ABCG5: variants seen among roughly 807,000 people sequenced by gnomAD.
ABCG5 encodes the protein ATP-binding cassette sub-family G member 5.
In ABCG5, 64 loss-of-function variants were observed where a neutral mutation model predicts 64.5. That is an observed-to-expected ratio of 0.99 (90% CI 0.81 to 1.22). The LOEUF is 1.22. ABCG5 is among the 50% of genes most tolerant of loss of function. The pLI is 0.00. For missense variants in ABCG5, 908 were observed against 829.5 expected, an observed-to-expected ratio of 1.09 and a Z score of -1.16; for synonymous variants, 385 against 326.3, an observed-to-expected ratio of 1.18 and a Z score of -1.94.
In ABCG5 at chr2:43,823,910, TACAC is replaced by T. The variant is rs780744534; in HGVS notation, c.1323_1324+2del. Reference sequence around the variant, plus strand: ...GGTGCACCTCCAGCACGTGGGCACTTACACAGATTCACAGCGTTCAGCATGCCTG... The same window carrying T: ...GGTGCACCTCCAGCACGTGGGCACTTAGATTCACAGCGTTCAGCATGCCTG... On this transcript the variant is annotated splice_donor_variant and coding_sequence_variant, in exon 9 of 13. Transcript: ENST00000405322. LOFTEE classifies it high-confidence loss of function. 6.2e-7 allele frequency: 1 copy of T among 1,613,732 alleles called. No individual in the cohort carries two copies. Among genetic ancestry groups the T allele is most frequent in the African/African-American group, 1.3e-5 (1 of 74,910 alleles).
upstream of ABCG5, chr2:43,839,154 G>C: frequency 2.6e-6 from 4 of 1,548,610 alleles, no homozygotes; most frequent in Non-Finnish European, 3.5e-6. Flanking sequence ...GGCCTGGTGG[G>C]CGGGTAGGAG....
At chr2:43,823,357 C>T (rs1185636382) in intron 9 of ABCG5, among the ~76,000 whole-genome samples, 1 of 140,088 alleles carries the variant, frequency 7.1e-6, no homozygotes, top group Non-Finnish European at 1.5e-5. Context: ...GATGCAGACA[C>T]TTAGCATTGC....
At chr2:43,835,206 C>T (rs1045821862) in intron 2 of ABCG5, among the ~76,000 whole-genome samples, 4 of 152,260 alleles carry the variant, frequency 2.6e-5, no homozygotes, top group Non-Finnish European at 4.4e-5. Context: ...AGAGCCCCTC[C>T]TGCTGTCCTG....
intron 11 of ABCG5, among the ~76,000 whole-genome samples, chr2:43,815,853 T>G (rs1666779464): frequency 7.0e-6 from 1 of 142,422 alleles, no homozygotes. Context: ...CTGAGAAAAT[T>G]AACGTGACTC....
intron 2 of ABCG5, among the ~76,000 whole-genome samples, chr2:43,835,417 C>G (rs751650135): frequency 9.9e-5 from 15 of 152,024 alleles, no homozygotes; most frequent in Non-Finnish European, 2.1e-4. Context: ...GGAGAAGAGG[C>G]AGTTTTTTTT....
chr2:43,808,264 G>GA (rs55874533), downstream of ABCG5, among the ~76,000 whole-genome samples: 63,771 of 146,002 alleles, frequency 0.44, 14,747 homozygotes, highest in African/African-American at 0.61. Context: ...GAAGTTAAAG[G>GA]AAAAAAAAAA....
intron 10 of ABCG5, among the ~76,000 whole-genome samples, chr2:43,821,282 G>T (rs562847514): frequency 6.6e-6 from 1 of 152,246 alleles, no homozygotes; most frequent in Non-Finnish European, 1.5e-5. Context: ...CTGGACCAGA[G>T]TCATTCTTTT....
At chr2:43,810,455 A>C, downstream of ABCG5, 1 of 985,422 alleles carries the variant, frequency 1.0e-6, no homozygotes, top group South Asian at 4.7e-5. Context: ...ATTATTTCCA[A>C]GGTGGGATAG....
At chr2:43,808,983 AC>A (rs1666378112), downstream of ABCG5, among the ~76,000 whole-genome samples, 3 of 151,964 alleles carry the variant, frequency 2.0e-5, no homozygotes, top group African/African-American at 7.2e-5. Context: ...ACACACACAC[AC>A]ACACACACAC....
chr2:43,822,654 T>C, intron 10 of ABCG5, 143 bp downstream of exon 10: 4 of 1,542,348 alleles, frequency 2.6e-6, no homozygotes, highest in Non-Finnish European at 3.5e-6. Context: ...TCCTGGAAGA[T>C]ACGACATTGC....
rs55983843 is a variant in ABCG5 at position 43,822,478 on chromosome 2, GC to G, written c.1463+318del. 0.18 allele frequency: 81,597 copies of G among 464,574 alleles called. 10,601 individuals carry two copies. Among genetic ancestry groups the G allele is most frequent in the Non-Finnish European group, 0.19 (68,950 of 359,452 alleles). The allele number at this position is 464,574 out of a possible 1,614,324, so 28.8% of individuals were successfully genotyped here. A position where few individuals can be genotyped will look rare whatever the true frequency, so the allele number is the denominator to read the frequency against. ...CAGGCTGCTTTCTCCCCTCCCCCAGGCCCCCCCCCATGCACCTGGGTCCTAG... is the reference window on the plus strand; with the variant it reads ...CAGGCTGCTTTCTCCCCTCCCCCAGGCCCCCCCCATGCACCTGGGTCCTAG... On this transcript the variant is annotated intron_variant, in intron 10 of 12. Transcript: ENST00000405322.
chr2:43,838,644 G>A lies in ABCG5; in HGVS notation c.36C>T (p.Ser12=). 6.2e-7 allele frequency: 1 copy of A among 1,613,656 alleles called. No homozygotes were observed. Among genetic ancestry groups the A allele is most frequent in the South Asian group, 1.1e-5 (1 of 91,032 alleles). ...GDLSSLTPGG[S]MGLQVNRGSQ... is the part of the protein sequence containing the mutation. The stretch of plus-strand genomic sequence containing the variant: ...AGCCTCTGTTTACTTGGAGACCCAT[G>A]GACCCTCCGGGGGTCAAAGATGAGA... Residue 12 remains serine (S), a synonymous_variant, in exon 1 of 13, where the codon TCC becomes TCT. Transcript: ENST00000405322. The surrounding 1 kb of genome is among the most constrained non-coding windows in gnomAD (Gnocchi z 4.2).
chr2:43,824,027 C>T lies in ABCG5; in HGVS notation c.1210G>A (p.Val404Ile), dbSNP rs200396635. The stretch of plus-strand genomic sequence containing the variant: ...AGCACATTGCTTCGGACCCGCAGAA[C>T]GAAGAAAAGGAGGAACAAACCCATG... ...LIMGLFLLFF[V>I]LRVRSNVLKG... The change falls in exon 9 of 13, where the codon GTT (valine) becomes ATT (isoleucine). Residue 404 changes from valine to isoleucine, a missense_variant. Coordinates refer to ENST00000405322, the MANE Select transcript of ABCG5 (RefSeq NM_022436.3). The T allele has an allele frequency of 1.3e-5, 21 of 1,614,008 alleles. No individual in the cohort carries two copies. Among genetic ancestry groups the T allele is most frequent in the East Asian group, 1.1e-4 (5 of 44,898 alleles).
intron 2 of ABCG5, 126 bp from the exon 3 acceptor site, chr2:43,832,209 G>A: frequency 7.4e-7 from 1 of 1,348,610 alleles, no homozygotes; most frequent in Non-Finnish European, 1.0e-6. Context: ...CCCTGTTCTA[G>A]GTGTTAAGGA....
In ABCG5 at chr2:43,837,752, C is replaced by A. The variant is rs2104893951; in HGVS notation, c.265+82G>T. The A allele has an allele frequency of 2.5e-6, 4 of 1,589,634 alleles. No individual in the cohort carries two copies. In the East Asian group the frequency reaches 6.8e-5, roughly 27 times the overall value. ...ATTCTAATATCAAACCTGTGGCTTT[C>A]TTGTTACAACTTAATCTGTTTCTTC... On this transcript the variant is annotated intron_variant, in intron 2 of 12. Coordinates refer to ENST00000405322, the MANE Select transcript of ABCG5 (RefSeq NM_022436.3).
Position 43,832,063 on chromosome 2 carries a change from G to C in ABCG5, c.286C>G (p.Leu96Val). ...GSSGSGKTTL[L>V]DAMSGRLGRA... ...CCCAGCCTCCCGGACATGGCGTCCA[G>C]CAGCGTGGTTTTCCCGGAGCCTGCG... Residue 96 changes from leucine to valine, a missense_variant, in exon 3 of 13, where the codon CTG becomes GTG. Physicochemically the swap from Leu to Val is conservative, Grantham distance 32. Transcript: ENST00000405322. The C allele has an allele frequency of 6.3e-7, 1 of 1,583,352 alleles. No individual in the cohort carries two copies.
intron 12 of ABCG5, among the ~76,000 whole-genome samples, chr2:43,814,122 G>A (rs532046325): frequency 1.6e-4 from 24 of 152,208 alleles, no homozygotes; most frequent in South Asian, 6.2e-4. Context: ...AGCTATGTAC[G>A]ATGTACATTT....
rs150401285 is a variant in ABCG5 at position 43,813,202 on chromosome 2, A to G, written c.1870T>C (p.Phe624Leu). ...PGATSRFTMN[F>L]LILYSFIPAL... ...GGAATAAATGAATACAAAATCAGAA[A>G]GTTCATTGTGAATCTAGATGTTGCA... Residue 624 changes from phenylalanine to leucine, a missense_variant, in exon 13 of 13, where the codon TTT becomes CTT. By Grantham distance (22) the Phe-to-Leu change is conservative. Transcript: ENST00000405322. The G allele has an allele frequency of 7.5e-4, 1,202 of 1,605,610 alleles. No homozygotes were observed. Among genetic ancestry groups the G allele is most frequent in the Non-Finnish European group, 9.6e-4 (1,123 of 1,172,418 alleles).
intron 2 of ABCG5, among the ~76,000 whole-genome samples, chr2:43,835,645 G>A (rs77273414): frequency 0.024 from 3,650 of 152,194 alleles, 81 homozygotes; most frequent in Admixed American, 0.074. Flanking sequence ...ATGATATTAC[G>A]AGGTGGGGCA....
Sources: allele counts gnomAD v4.1 joint callset (sites outside exome capture counted in the v4.1 genomes callset), GRCh38; gene constraint gnomAD v4.1.1; non-coding constraint Gnocchi (gnomAD v3.1); transcripts MANE v1.5; gene names NCBI Gene and HGNC (gene_info 2026-07-23, HGNC 2026-07-21).